Variants in PCDHGB1 observed in about 807,000 individuals in gnomAD.
The protein encoded by PCDHGB1 is protocadherin gamma subfamily B, 1.
PCDHGB1 carries 34 observed loss-of-function variants against 56.6 expected under a neutral mutation model. That is an observed-to-expected ratio of 0.60 (90% confidence interval 0.46 to 0.80). The LOEUF (loss-of-function observed/expected upper bound fraction) is 0.80. Among genes scored for constraint, PCDHGB1 ranks in the 30% least tolerant of loss-of-function variants. PCDHGB1 has a pLI of 0.00. For synonymous variants in PCDHGB1, 561 were observed against 505.9 expected (o/e 1.11, Z -1.46); for missense variants, 1,278 against 1,204.6 (o/e 1.06, Z -0.90).
rs375810500 is a variant in PCDHGB1, at chr5:141,364,577, A to G, written c.2409+11908A>G. On this transcript the variant is annotated intron_variant, in intron 1 of 3. Coordinates refer to ENST00000523390, the MANE Select transcript of PCDHGB1 (RefSeq NM_018922.3). ...TTTTGCCCTGAACCCGCGAAGCGGCAGCTTGGTCACCGCGGGCAGGATAGA... is the reference window on the plus strand; with the variant it reads ...TTTTGCCCTGAACCCGCGAAGCGGCGGCTTGGTCACCGCGGGCAGGATAGA... The G allele has an allele frequency of 2.9e-4, 467 of 1,614,196 alleles. No individual in the cohort carries two copies. The highest frequency in any genetic ancestry group is 3.9e-4 in the Non-Finnish European group (459 of 1,179,998).
At position 141,431,276 on chromosome 5, in the gene PCDHGB1, A is replaced by T; in HGVS notation, c.2410-63531A>T. 6.2e-7 allele frequency: 1 copy of T among 1,614,176 alleles called. No individual in the cohort carries two copies. Among genetic ancestry groups the T allele is most frequent in the South Asian group, 1.1e-5 (1 of 91,084 alleles). ...GAACTCTCTGCAGAGCTACGAGCTC[A>T]GCCCGAACACTCACTTCTCCCTCAT... is the stretch of plus-strand genomic sequence containing the variant. On this transcript the variant is annotated intron_variant, in intron 1 of 3. Transcript: ENST00000523390. The surrounding 1 kb of genome is among the most constrained non-coding windows in gnomAD (Gnocchi z 4.8).
At chr5:141,427,694 A>G in intron 1 of PCDHGB1, 2 of 913,934 alleles carry the variant, frequency 2.2e-6, no homozygotes, top group South Asian at 1.4e-5. Flanking sequence ...CCTCCATCCC[A>G]CAAGTCAGCG....
Position 141,432,320 on chromosome 5 carries a change from G to A in PCDHGB1, c.2410-62487G>A, listed in dbSNP as rs369088426. 4 of 1,614,120 alleles carry A rather than the reference G, an allele frequency of 2.5e-6. No individual in the cohort carries two copies. The African/African-American group carries it at 4.0e-5, about 16-fold the overall frequency. On this transcript the variant is annotated intron_variant, in intron 1 of 3. Coordinates refer to ENST00000523390, the MANE Select transcript of PCDHGB1 (RefSeq NM_018922.3). The surrounding 1 kb of genome is among the most constrained non-coding windows in gnomAD (Gnocchi z 6.0). ...GGTACTGTATGCGCTGAGCTCCTTC[G>A]ACTACGAGCAGTTCCGAGACTTGCA...
chr5:141,428,091 T>A lies in PCDHGB1; in HGVS notation c.2410-66716T>A, dbSNP rs769710543. 1.1e-5 allele frequency: 17 copies of A among 1,609,000 alleles called. No homozygotes were observed. In the African/African-American group the frequency reaches 1.5e-4, roughly 14 times the overall value. On this transcript the variant is annotated intron_variant, in intron 1 of 3. Transcript: ENST00000523390. ...AGATTCGGGACACAACGCTTGGCTGTCCTACCACGTGCTGCAGGCCATCGA... is the reference window on the plus strand; with the variant it reads ...AGATTCGGGACACAACGCTTGGCTGACCTACCACGTGCTGCAGGCCATCGA...
intron 1 of PCDHGB1, chr5:141,362,328 C>A: frequency 6.2e-7 from 1 of 1,614,068 alleles, no homozygotes; most frequent in Non-Finnish European, 8.5e-7. Context: ...AGCCTGGTCT[C>A]AGCTCCAAGC....
Position 141,418,471 on chromosome 5 carries a change from G to T in PCDHGB1, c.2409+65802G>T, listed in dbSNP as rs199547102. 57 of 1,614,002 alleles carry T rather than the reference G, an allele frequency of 3.5e-5. No homozygotes were observed. In the African/African-American group the frequency reaches 5.7e-4, roughly 16 times the overall value. ...TGCAGAAGACTCTGGACCGAGAAACGCAGAGCGCTCACCACTTGGTACTGA... is the reference window on the plus strand; with the variant it reads ...TGCAGAAGACTCTGGACCGAGAAACTCAGAGCGCTCACCACTTGGTACTGA... On this transcript the variant is annotated intron_variant, in intron 1 of 3. Coordinates refer to ENST00000523390, the MANE Select transcript of PCDHGB1 (RefSeq NM_018922.3).
chr5:141,414,624 G>C, intron 1 of PCDHGB1: 1 of 1,613,932 alleles, frequency 6.2e-7, no homozygotes, highest in Non-Finnish European at 8.5e-7. Context: ...CGCTGGACCC[G>C]GACAGCAAAG....
In PCDHGB1 at chr5:141,432,986, G is replaced by A. The variant is rs2097557714; in HGVS notation, c.2410-61821G>A. ...AGCGCCGGCGTCGCACTTTGTGGGC[G>A]TGGACGGGGTGCAGGCTTTCCTGCA... On this transcript the variant is annotated intron_variant, in intron 1 of 3. Transcript: ENST00000523390. This position sits in a 1 kb window ranked among gnomAD's most constrained non-coding sequence, Gnocchi z 6.0. 6 of 1,614,258 alleles carry A rather than the reference G, an allele frequency of 3.7e-6. No individual in the cohort carries two copies. In the Middle Eastern group the frequency reaches 4.9e-4, roughly 133 times the overall value.
rs779065098 is a variant in PCDHGB1 at position 141,491,758 on chromosome 5, C to T, written c.2410-3049C>T. 1.8e-5 allele frequency: 29 copies of T among 1,578,670 alleles called. No homozygotes were observed. Among genetic ancestry groups the T allele is most frequent in the Non-Finnish European group, 2.2e-5 (26 of 1,163,530 alleles). ...TGGGGGCGGCACTGGAGAAGCCGCC[C>T]GTCCTCATAAGGGATTGAACTTGCA... On this transcript the variant is annotated intron_variant, in intron 1 of 3. Transcript: ENST00000523390. The surrounding 1 kb of genome is among the most constrained non-coding windows in gnomAD (Gnocchi z 6.9).
intron 1 of PCDHGB1, among the ~76,000 whole-genome samples, chr5:141,425,025 T>C (rs1416166875): frequency 1.3e-5 from 2 of 152,236 alleles, no homozygotes; most frequent in Non-Finnish European, 2.9e-5. Flanking sequence ...ATTTACCTTA[T>C]GTCATTAGTT....
chr5:141,384,848 G>A, intron 1 of PCDHGB1: 1 of 1,613,600 alleles, frequency 6.2e-7, no homozygotes, highest in Non-Finnish European at 8.5e-7. Flanking sequence ...CAGGACCACG[G>A]TCAGCCTCCT....
intron 1 of PCDHGB1, among the ~76,000 whole-genome samples, chr5:141,353,850 AAC>A (rs1759401140): frequency 6.6e-6 from 1 of 152,202 alleles, no homozygotes; most frequent in African/African-American, 2.4e-5. Flanking sequence ...GATTGTGAAA[AAC>A]ACGTTTAATC....
chr5:141,424,786 T>G (rs1219509852), intron 1 of PCDHGB1: 1 of 152,210 alleles, frequency 6.6e-6, no homozygotes, highest in Non-Finnish European at 1.5e-5. Flanking sequence ...ATTCAGTTCT[T>G]TTATTCAGAC....
intron 1 of PCDHGB1, 88 bp downstream of exon 1, chr5:141,352,757 A>AG: frequency 1.5e-6 from 2 of 1,333,708 alleles, no homozygotes; most frequent in Non-Finnish European, 2.1e-6. Flanking sequence ...AACCAGGCTG[A>AG]GGCAGGTGGA....
chr5:141,421,487 C>G (rs1447180364), intron 1 of PCDHGB1: 2 of 1,614,094 alleles, frequency 1.2e-6, no homozygotes, highest in Non-Finnish European at 1.7e-6. Context: ...AGCTTGATCA[C>G]GGCAGGCAGG....
rs770930842 is a variant in PCDHGB1 at position 141,432,673 on chromosome 5, C to G, written c.2410-62134C>G. 10 of 1,613,804 alleles carry G rather than the reference C, an allele frequency of 6.2e-6. No homozygotes were observed. The East Asian group carries it at 1.3e-4, about 22-fold the overall frequency. ...GAGCCCTGCTGGACAGAGACGCGCT[C>G]AAGCAGAGCCTCGTAGTGGCCGTCC... is the stretch of plus-strand genomic sequence containing the variant. On this transcript the variant is annotated intron_variant, in intron 1 of 3. Transcript: ENST00000523390. The surrounding 1 kb of genome is among the most constrained non-coding windows in gnomAD (Gnocchi z 6.0).
intron 1 of PCDHGB1, among the ~76,000 whole-genome samples, chr5:141,468,198 G>A (rs992118435): frequency 9.2e-5 from 14 of 151,854 alleles, no homozygotes; most frequent in Admixed American, 7.2e-4. Context: ...GGTGGCGGGT[G>A]CCTGTAATTC....
In PCDHGB1 at chr5:141,476,343, T is replaced by A; in HGVS notation, c.2410-18464T>A. 1 of 1,614,012 alleles carries A rather than the reference T, an allele frequency of 6.2e-7. No individual in the cohort carries two copies. The highest frequency in any genetic ancestry group is 1.3e-5 in the African/African-American group (1 of 74,984). ...GTGGTGTCTGGAGCTAGCCGAAGAT[T>A]CTTTGAGGTGAACCGGGAGACCGGA... On this transcript the variant is annotated intron_variant, in intron 1 of 3. Transcript: ENST00000523390. This position sits in a 1 kb window ranked among gnomAD's most constrained non-coding sequence, Gnocchi z 7.6.
Position 141,512,270 on chromosome 5 carries a change from G to C in PCDHGB1, c.*1097G>C, listed in dbSNP as rs1188941232. On this transcript the variant is annotated 3_prime_UTR_variant, in exon 4 of 4. Transcript: ENST00000523390. ...TCTGTGGGTGCTGGGTACTCCAGAG[G>C]TGCCACTGGTGGAAGGGTCAGCGGA... 6.5e-6 allele frequency: 1 copy of C among 152,714 alleles called. No homozygotes were observed. The highest frequency in any genetic ancestry group is 2.4e-5 in the African/African-American group (1 of 41,452). The allele number at this position is 152,714 out of a possible 1,614,324, so 9.5% of individuals were successfully genotyped here. A position where few individuals can be genotyped will look rare whatever the true frequency, so the allele number is the denominator to read the frequency against.
Sources: gnomAD v4.1 joint callset for allele counts (sites outside exome capture counted in the v4.1 genomes callset) on GRCh38, gnomAD v4.1.1 for gene constraint, Gnocchi (gnomAD v3.1) non-coding constraint, MANE v1.5 for transcripts, NCBI Gene and HGNC (gene_info 2026-07-23, HGNC 2026-07-21) for gene names.